Variants in NFATC1 observed in about 807,000 individuals in gnomAD.
The protein encoded by NFATC1 is nuclear factor of activated T-cells, cytoplasmic 1.
NFATC1 carries 22 observed loss-of-function variants against 76.0 expected under a neutral mutation model. The observed-to-expected ratio is 0.29, with a 90% CI of 0.21 to 0.41. NFATC1 has a LOEUF of 0.41. NFATC1 is among the 10% of genes least tolerant of loss of function. NFATC1 has a pLI of 1.00. For missense variants in NFATC1, 1,357 were observed against 1,337.7 expected (o/e 1.01, Z -0.23); for synonymous variants, 704 against 613.1 (o/e 1.15, Z -2.19).
chr18:79,448,716 C>A (rs1024281637), intron 3 of NFATC1, 66 bp from the exon 4 acceptor site: 27 of 1,529,450 alleles, frequency 1.8e-5, no homozygotes, highest in Non-Finnish European at 2.4e-5. Flanking sequence ...GTTTTCTCTG[C>A]GTTCCGGTGA....
intron 1 of NFATC1, among the ~76,000 whole-genome samples, chr18:79,400,081 G>T (rs2085136351): frequency 6.8e-6 from 1 of 146,836 alleles, no homozygotes; most frequent in African/African-American, 2.5e-5. Context: ...AGCCTGCGCC[G>T]GGCCGGGACC....
At chr18:79,440,254 C>T (rs1157933401) in intron 3 of NFATC1, among the ~76,000 whole-genome samples, 3 of 152,198 alleles carry the variant, frequency 2.0e-5, no homozygotes, top group Non-Finnish European at 4.4e-5. Context: ...CTGGCACGGC[C>T]GTTGCTAGTG....
chr18:79,511,850 C>T (rs986122994), intron 9 of NFATC1, among the ~76,000 whole-genome samples: 7 of 152,136 alleles, frequency 4.6e-5, no homozygotes, highest in South Asian at 2.1e-4. Flanking sequence ...GCTGCGGGTC[C>T]GGGACCTGCC....
intron 4 of NFATC1, among the ~76,000 whole-genome samples, chr18:79,449,848 G>A (rs2087385173): frequency 6.6e-6 from 1 of 152,178 alleles, no homozygotes; most frequent in Non-Finnish European, 1.5e-5. Context: ...TGTAGGAGAT[G>A]GCGGCGGGGG....
At chr18:79,475,602 TCA>T (rs1203147230) in intron 8 of NFATC1, among the ~76,000 whole-genome samples, 1 of 152,090 alleles carries the variant, frequency 6.6e-6, no homozygotes, top group Non-Finnish European at 1.5e-5. Flanking sequence ...GTTCTCATGC[TCA>T]CTGTCGACGT....
chr18:79,433,849 C>G, intron 3 of NFATC1, 111 bp downstream of exon 3: 1 of 1,382,006 alleles, frequency 7.2e-7, no homozygotes, highest in Non-Finnish European at 9.7e-7. Flanking sequence ...CAGCTGAATG[C>G]TCTGTCGTGG....
chr18:79,426,360 G>A (rs538154879), intron 2 of NFATC1, among the ~76,000 whole-genome samples: 70 of 152,246 alleles, frequency 4.6e-4, no homozygotes, highest in Non-Finnish European at 2.9e-4. Context: ...GGGCATGAAC[G>A]GCTCCTCCCG....
At chr18:79,469,911 G>A (rs993022979) in intron 8 of NFATC1, 3 of 985,512 alleles carry the variant, frequency 3.0e-6, no homozygotes, top group African/African-American at 3.5e-5. Flanking sequence ...CCCTCAGGCA[G>A]AGCCCCCAGG....
chr18:79,457,064 G>A (rs1600776097), intron 6 of NFATC1, among the ~76,000 whole-genome samples: 1 of 152,346 alleles, frequency 6.6e-6, no homozygotes, highest in African/African-American at 2.4e-5. Context: ...ACATTGCTGG[G>A]CGCCTGTGAG....
chr18:79,522,015 G>A (rs2090608866), intron 9 of NFATC1, among the ~76,000 whole-genome samples: 1 of 110,040 alleles, frequency 9.1e-6, no homozygotes, highest in South Asian at 3.8e-4. Flanking sequence ...GCATGTGTGG[G>A]GGGGCGTCTG....
In NFATC1 at chr18:79,396,200, T is replaced by C. The variant is rs766508486; in HGVS notation, c.-25T>C. The C allele has an allele frequency of 2.1e-6, 3 of 1,462,558 alleles. No homozygotes were observed. The highest frequency in any genetic ancestry group is 4.3e-5 in the Admixed American group (2 of 47,004). 90.6% of individuals were successfully genotyped at this position (1,462,558 alleles called of 1,614,324 possible). On this transcript the variant is annotated 5_prime_UTR_variant, in exon 1 of 10. Transcript: ENST00000427363. ...CTTCTCCTGTGCCTCCGCCCGCCGC[T>C]CCACTCCCCGCCGCCGCCGCGCGGA... is the stretch of plus-strand genomic sequence containing the variant.
intron 4 of NFATC1, among the ~76,000 whole-genome samples, chr18:79,449,687 C>T (rs1486076719): frequency 2.6e-5 from 4 of 152,146 alleles, no homozygotes; most frequent in Admixed American, 6.5e-5. Context: ...AGGGCAGGGA[C>T]GGCGTCCTGC....
chr18:79,516,162 G>A (rs910886138), intron 9 of NFATC1: 5 of 152,134 alleles, frequency 3.3e-5, no homozygotes, highest in African/African-American at 7.2e-5. Flanking sequence ...TGTCTTAATG[G>A]CTGACGTCCC....
At position 79,433,597 on chromosome 18, in the gene NFATC1, G is replaced by A. The variant is rs1208454027; in HGVS notation, c.1245G>A (p.Leu415=). The A allele has an allele frequency of 3.7e-6, 6 of 1,613,006 alleles. No individual in the cohort carries two copies. Among genetic ancestry groups the A allele is most frequent in the Non-Finnish European group, 5.1e-6 (6 of 1,179,930 alleles). ...TSYMSPTLPA[L]DWQLPSHSGP... ...CTTCCAGCCCGACCCTGCCCGCCCT[G>A]GACTGGCAGCTGCCGTCCCACTCAG... The change falls in exon 3 of 10, where the codon CTG becomes CTA. Residue 415 remains leucine, a synonymous_variant. Transcript: ENST00000427363.
intron 1 of NFATC1, among the ~76,000 whole-genome samples, chr18:79,405,902 A>G (rs549852603): frequency 6.6e-6 from 1 of 152,020 alleles, no homozygotes; most frequent in Non-Finnish European, 1.5e-5. Context: ...CTGTGGGCGG[A>G]GTCTCCTCCT....
Position 79,410,867 on chromosome 18 carries a change from G to C in NFATC1, c.592G>C (p.Ala198Pro). 6.2e-7 allele frequency: 1 copy of C among 1,609,722 alleles called. No homozygotes were observed. Among genetic ancestry groups the C allele is most frequent in the Non-Finnish European group, 8.5e-7 (1 of 1,178,712 alleles). ...SYESNYSYPY[A>P]SPQTSPWQSP... The stretch of plus-strand genomic sequence containing the variant: ...CGAGTCCAACTACTCGTACCCGTAC[G>C]CGTCCCCCCAGACGTCGCCATGGCA... The change falls in exon 2 of 10, where the codon GCG (alanine) becomes CCG (proline). Residue 198 changes from alanine to proline, a missense_variant. Transcript: ENST00000427363. The surrounding 1 kb of genome is among the most constrained non-coding windows in gnomAD (Gnocchi z 6.7).
In NFATC1 at chr18:79,433,580, C is replaced by T; in HGVS notation, c.1228C>T (p.Pro410Ser). 6.2e-7 allele frequency: 1 copy of T among 1,613,116 alleles called. No homozygotes were observed. The highest frequency in any genetic ancestry group is 8.5e-7 in the Non-Finnish European group (1 of 1,179,936). The change falls in exon 3 of 10, where the codon CCG (proline) becomes TCG (serine). Residue 410 changes from proline (P) to serine (S), a missense_variant and splice_region_variant. By Grantham distance (74) the Pro-to-Ser change is moderately conservative. This residue lies in a region of NFATC1 where 691 missense variants were observed against 613.1 expected (regional missense o/e 1.13). Transcript: ENST00000427363. ...KPLSPTSYMS[P>S]TLPALDWQLP... ...CTCCTCTGCTCTGTTCCCTTCCAGC[C>T]CGACCCTGCCCGCCCTGGACTGGCA... is the stretch of plus-strand genomic sequence containing the variant.
In NFATC1 at chr18:79,396,234, AC is replaced by A; in HGVS notation, c.12del (p.Ser5AlafsTer33). On this transcript the variant is annotated frameshift_variant, in exon 1 of 10. Transcript: ENST00000427363. LOFTEE classifies it high-confidence loss of function. ...CGCCGCCGCCGCGCGGATGCCAAGC[AC>A]CAGCTTTCCAGTCCCTTCCAAGTTT... Reference protein sequence around the residue: MPSTSFPVPSKFPL... With the variant: MPSXSFPVPSKFPL... 1 of 1,490,604 alleles carries A rather than the reference AC, an allele frequency of 6.7e-7. No homozygotes were observed. Among genetic ancestry groups the A allele is most frequent in the Non-Finnish European group, 9.0e-7 (1 of 1,112,696 alleles). 92.3% of individuals were successfully genotyped at this position (1,490,604 alleles called of 1,614,324 possible). A position where few individuals can be genotyped will look rare whatever the true frequency, so the allele number is the denominator to read the frequency against.
At chr18:79,490,469 T>C (rs1414269724) in intron 9 of NFATC1, among the ~76,000 whole-genome samples, 2 of 152,038 alleles carry the variant, frequency 1.3e-5, no homozygotes, top group Admixed American at 1.3e-4. Context: ...TCAGTCATGG[T>C]GGGGTAGTCC....
Sources: gnomAD v4.1 joint callset for allele counts (sites outside exome capture counted in the v4.1 genomes callset) on GRCh38, gnomAD v4.1.1 for gene constraint, gnomAD v4.1.1 regional missense constraint, Gnocchi (gnomAD v3.1) non-coding constraint, MANE v1.5 for transcripts, NCBI Gene and HGNC (gene_info 2026-07-23, HGNC 2026-07-21) for gene names.